TUSC3: variants seen among roughly 807,000 people sequenced by gnomAD.
The protein encoded by TUSC3 is tumor suppressor candidate 3.
Under a neutral mutation model 44.8 loss-of-function variants are expected in TUSC3, and 45 were observed. The ratio of observed to expected loss-of-function variants is 1.00; its 90% CI spans 0.79 to 1.29. TUSC3 has a LOEUF of 1.29. TUSC3 is among the 50% of genes most tolerant of loss of function. TUSC3 has a pLI of 0.00. For missense variants in TUSC3, 519 were observed against 437.9 expected (o/e 1.19, Z -1.65); for synonymous variants, 212 against 152.9 (o/e 1.39, Z -2.85).
At chr8:15,477,003 A>G (rs773038082) in intron 1 of TUSC3, among the ~76,000 whole-genome samples, 1 of 152,214 alleles carries the variant, frequency 6.6e-6, no homozygotes, top group Non-Finnish European at 1.5e-5. Flanking sequence ...ATTGCAATCA[A>G]TGTGATTGGT....
chr8:15,626,993 TG>T (rs1805539595), intron 2 of TUSC3, among the ~76,000 whole-genome samples: 1 of 152,152 alleles, frequency 6.6e-6, no homozygotes, highest in Non-Finnish European at 1.5e-5. Context: ...GGGGCTGGGC[TG>T]CCGGTCCCGT....
At chr8:15,469,105 C>T (rs565324555) in intron 1 of TUSC3, among the ~76,000 whole-genome samples, 245 of 151,968 alleles carry the variant, frequency 1.6e-3, no homozygotes, top group African/African-American at 5.0e-3. Flanking sequence ...GCTTCTCAAG[C>T]GATAATGAAG....
At chr8:15,693,066 T>A (rs1445367140) in intron 6 of TUSC3, among the ~76,000 whole-genome samples, 1 of 152,212 alleles carries the variant, frequency 6.6e-6, no homozygotes, top group Non-Finnish European at 1.5e-5. Flanking sequence ...GTGAGATGGA[T>A]CTGTTGAAGA....
chr8:15,843,320 A>T, the TUSC3 span, among the ~76,000 whole-genome samples: 1 of 152,164 alleles, frequency 6.6e-6, no homozygotes, highest in Admixed American at 6.6e-5. Flanking sequence ...CGTTTGGAAA[A>T]GCTGGTGGAA....
rs35757466 is a variant in TUSC3 at position 15,555,276 on chromosome 8, A to ATTTTTTTTTTT, written c.138+14733_138+14743dup. On this transcript the variant is annotated intron_variant, in intron 1 of 10. Transcript: ENST00000503731. The stretch of plus-strand genomic sequence containing the variant: ...GTTCATGTGCCACCATGCCAGGCTA[A>ATTTTTTTTTTT]TTTTTTTTTTTTTTTTTTTTTTTTT... Among the ~76,000 whole-genome samples the ATTTTTTTTTTT allele has an allele frequency of 3.8e-4, 17 of 44,892 alleles. 3 individuals are homozygous for ATTTTTTTTTTT. The highest frequency in any genetic ancestry group is 1.6e-3 in the African/African-American group (15 of 9,144). 29.5% of individuals were successfully genotyped at this position (44,892 alleles called of 152,430 possible).
intron 7 of TUSC3, among the ~76,000 whole-genome samples, chr8:15,741,429 C>T (rs1439905492): frequency 6.6e-6 from 1 of 152,110 alleles, no homozygotes; most frequent in African/African-American, 2.4e-5. Context: ...GTCATAGTAG[C>T]TGGGCGCGGT....
At chr8:15,711,398 C>G (rs368724343) in intron 6 of TUSC3, among the ~76,000 whole-genome samples, 69 of 150,844 alleles carry the variant, frequency 4.6e-4, no homozygotes, top group African/African-American at 1.6e-3. Context: ...ATTTAGTTTA[C>G]TTTTTCTAAA....
chr8:15,460,803 G>GC (rs1800335258), intron 1 of TUSC3, among the ~76,000 whole-genome samples: 1 of 151,988 alleles, frequency 6.6e-6, no homozygotes, highest in Non-Finnish European at 1.5e-5. Flanking sequence ...CCCCCACTTT[G>GC]TTTTTGTTTG....
chr8:15,624,647 A>G (rs758098001), intron 2 of TUSC3, among the ~76,000 whole-genome samples: 1 of 152,016 alleles, frequency 6.6e-6, no homozygotes, highest in Non-Finnish European at 1.5e-5. Flanking sequence ...GCCCCTTTCT[A>G]ATTGGATTCT....
chr8:15,445,896 C>A lies in TUSC3; in HGVS notation n.91+28591C>A, dbSNP rs533811089. On this transcript the variant is annotated intron_variant and non_coding_transcript_variant, in intron 1 of 5. Transcript: ENST00000503191. ...GGGGCTCCTCACTTCCCAGACGGGG[C>A]GGCCGGGCGGAGGCGCCCCCCACCT... is the stretch of plus-strand genomic sequence containing the variant. Among the ~76,000 whole-genome samples, 370 of 149,166 alleles carry A rather than the reference C, an allele frequency of 2.5e-3. 2 individuals are homozygous for A. The highest frequency in any genetic ancestry group is 6.6e-3 in the Admixed American group (99 of 15,072).
chr8:15,751,383 C>T lies in TUSC3; in HGVS notation c.1028+2918C>T, dbSNP rs938287702. On this transcript the variant is annotated intron_variant, in intron 9 of 10. Transcript: ENST00000503731. The stretch of plus-strand genomic sequence containing the variant: ...GGCTAATCTCTTGCTCCAATCCTTC[C>T]ACTATTATTACTGAGTAATGTCTTT... 7.4e-4 allele frequency among the ~76,000 whole-genome samples: 112 copies of T among 152,142 alleles called. 3 individuals carry two copies. The highest frequency in any genetic ancestry group is 1.5e-5 in the Non-Finnish European group (1 of 68,020).
chr8:15,490,490 G>C (rs1041428352), intron 2 of TUSC3, among the ~76,000 whole-genome samples: 2 of 152,056 alleles, frequency 1.3e-5, no homozygotes, highest in Non-Finnish European at 2.9e-5. Context: ...TCAACTGAAG[G>C]CCTGCTGACG....
intron 2 of TUSC3, among the ~76,000 whole-genome samples, chr8:15,648,767 G>C (rs889671563): frequency 5.6e-5 from 5 of 88,742 alleles, no homozygotes; most frequent in Non-Finnish European, 1.2e-4. Flanking sequence ...GACATCTCCT[G>C]TTGAACAAAG....
At chr8:15,572,561 C>G (rs902596588) in intron 1 of TUSC3, among the ~76,000 whole-genome samples, 1 of 152,284 alleles carries the variant, frequency 6.6e-6, no homozygotes, top group Non-Finnish European at 1.5e-5. Flanking sequence ...ATTGCATTTG[C>G]ATTAACAACT....
chr8:15,761,777 A>G (rs1013815535), intron 10 of TUSC3, among the ~76,000 whole-genome samples: 1 of 152,152 alleles, frequency 6.6e-6, no homozygotes, highest in Admixed American at 6.6e-5. Context: ...TTCATTATTG[A>G]CAGTTGTTTT....
At chr8:15,631,368 T>C (rs1021866098) in intron 2 of TUSC3, among the ~76,000 whole-genome samples, 2 of 152,198 alleles carry the variant, frequency 1.3e-5, no homozygotes, top group Non-Finnish European at 2.9e-5. Context: ...ATATGTGACA[T>C]TGTAGCATTC....
intron 1 of TUSC3, among the ~76,000 whole-genome samples, chr8:15,422,955 C>T (rs1270312704): frequency 6.6e-6 from 1 of 152,044 alleles, no homozygotes; most frequent in East Asian, 1.9e-4. Context: ...TATTAATTCA[C>T]TTAATTTACC....
chr8:15,732,010 C>G (rs557543214), intron 7 of TUSC3, among the ~76,000 whole-genome samples: 92 of 152,272 alleles, frequency 6.0e-4, no homozygotes, highest in Non-Finnish European at 6.3e-4. Flanking sequence ...TTTGTAAAAT[C>G]AGGATTAGCA....
At chr8:15,503,677 C>A (rs116282306) in intron 2 of TUSC3, among the ~76,000 whole-genome samples, 1,860 of 152,132 alleles carry the variant, frequency 0.012, 44 homozygotes, top group African/African-American at 0.041. Flanking sequence ...CCACTCCAGC[C>A]TGGGTAACAG....
Sources: allele counts gnomAD v4.1 joint callset (sites outside exome capture counted in the v4.1 genomes callset), GRCh38; gene constraint gnomAD v4.1.1; transcripts MANE v1.5; gene names NCBI Gene and HGNC (gene_info 2026-07-23, HGNC 2026-07-21).